ACAP2: variants seen among roughly 807,000 people sequenced by gnomAD.
ACAP2 encodes the protein arf-GAP with coiled-coil, ANK repeat and PH domain-containing protein 2.
In ACAP2, 39 loss-of-function variants were observed where a neutral mutation model predicts 115.8. The ratio of observed to expected loss-of-function variants is 0.34; its 90% confidence interval spans 0.26 to 0.44. The LOEUF is 0.44. Among genes scored for constraint, ACAP2 ranks in the 20% least tolerant of loss-of-function variants. The pLI is 1.00. For synonymous variants in ACAP2, 289 were observed against 315.8 expected, an observed-to-expected ratio of 0.92 and a Z score of 0.90; for missense variants, 662 against 927.6, an observed-to-expected ratio of 0.71 and a Z score of 3.72.
At chr3:195,381,351 G>A (rs76289709) in intron 3 of ACAP2, among the ~76,000 whole-genome samples, 3,879 of 152,142 alleles carry the variant, frequency 0.025, 162 homozygotes, top group African/African-American at 0.087. Flanking sequence ...ATTGTTTTGC[G>A]TGTATCAAGA....
chr3:195,346,388 A>G (rs578217424), intron 4 of ACAP2, among the ~76,000 whole-genome samples: 2 of 152,314 alleles, frequency 1.3e-5, no homozygotes, highest in East Asian at 3.8e-4. Flanking sequence ...CAGAAAGAAG[A>G]CGCAAATTTC....
At chr3:195,348,676 A>C (rs1208646301) in intron 4 of ACAP2, among the ~76,000 whole-genome samples, 2 of 152,220 alleles carry the variant, frequency 1.3e-5, no homozygotes, top group African/African-American at 4.8e-5. Flanking sequence ...TTTAACATTC[A>C]AAAAAATCAA....
chr3:195,407,835 T>C lies in ACAP2; in HGVS notation c.54-15688A>G, dbSNP rs1182802724. On this transcript the variant is annotated intron_variant, in intron 1 of 22. Transcript: ENST00000326793. Reference sequence around the variant, plus strand: ...CAGCAAATATAAAAGAAACAGAAAGTAGAAAAACGACAGAGAAAAGTCAAT... The same window carrying C: ...CAGCAAATATAAAAGAAACAGAAAGCAGAAAAACGACAGAGAAAAGTCAAT... Among the ~76,000 whole-genome samples the C allele has an allele frequency of 5.3e-5, 8 of 152,020 alleles. No individual in the cohort carries two copies. The East Asian group carries it at 9.7e-4, about 18-fold the overall frequency.
intron 1 of ACAP2, among the ~76,000 whole-genome samples, chr3:195,435,721 G>T (rs974758723): frequency 1.3e-5 from 2 of 152,016 alleles, no homozygotes; most frequent in Non-Finnish European, 2.9e-5. Context: ...TATTTTGTAT[G>T]ATTTCAATAC....
chr3:195,301,965 C>G lies in ACAP2; in HGVS notation c.1325+1G>C. On this transcript the variant is annotated splice_donor_variant, in intron 14 of 22. Transcript: ENST00000326793. LOFTEE classifies it high-confidence loss of function. ...TTCTCATCCTGGGCAGGCCTACCCA[C>G]CGGTGAATTCCGGAGCACTCGATAC... 1 of 1,612,216 alleles carries G rather than the reference C, an allele frequency of 6.2e-7. No individual in the cohort carries two copies. The highest frequency in any genetic ancestry group is 8.5e-7 in the Non-Finnish European group (1 of 1,179,480).
Position 195,292,314 on chromosome 3 carries a change from G to A in ACAP2, c.1904C>T (p.Ala635Val), listed in dbSNP as rs773723643. 4 of 1,609,768 alleles carry A rather than the reference G, an allele frequency of 2.5e-6. No homozygotes were observed. The highest frequency in any genetic ancestry group is 1.7e-4 in the Middle Eastern group (1 of 6,050). ...TGTCGCTTTGTTTTCCTCTGAATTG[G>A]CCCAGTTCACGTCTGCACCATGAGC... ...ALAHGADVNW[A>V]NSEENKATPL... The change falls in exon 19 of 23, where the codon GCC becomes GTC. Residue 635 changes from alanine (A) to valine (V), a missense_variant. Transcript: ENST00000326793.
rs563980346 is a variant in ACAP2 at position 195,365,836 on chromosome 3, T to C, written c.285+15173A>G. Among the ~76,000 whole-genome samples, 4 of 145,206 alleles carry C rather than the reference T, an allele frequency of 2.8e-5. No homozygotes were observed. The East Asian group carries it at 7.9e-4, about 29-fold the overall frequency. ...TATTCCTCTCTACTTCATCTGCCTA[T>C]AGTAATTTTTTTTTTTTTTTTTGAG... On this transcript the variant is annotated intron_variant, in intron 4 of 22. Coordinates refer to ENST00000326793, the MANE Select transcript of ACAP2 (RefSeq NM_012287.6).
chr3:195,337,846 T>C (rs1340846713), intron 6 of ACAP2, among the ~76,000 whole-genome samples: 2 of 152,206 alleles, frequency 1.3e-5, no homozygotes, highest in South Asian at 4.1e-4. Flanking sequence ...GGCCCCTACC[T>C]ACCTTACCTC....
At chr3:195,437,607 A>C (rs1174603110) in intron 1 of ACAP2, among the ~76,000 whole-genome samples, 3 of 152,040 alleles carry the variant, frequency 2.0e-5, no homozygotes, top group Non-Finnish European at 2.9e-5. Context: ...CAAGGTCAGG[A>C]GTTCAAGACC....
chr3:195,354,886 A>T (rs1731850707), intron 4 of ACAP2, among the ~76,000 whole-genome samples: 1 of 152,182 alleles, frequency 6.6e-6, no homozygotes, highest in Admixed American at 6.5e-5. Context: ...TTTTGGAGAC[A>T]AGAGTCTCAC....
chr3:195,366,049 C>G (rs1397108671), intron 4 of ACAP2, among the ~76,000 whole-genome samples: 1 of 152,092 alleles, frequency 6.6e-6, no homozygotes, highest in Non-Finnish European at 1.5e-5. Flanking sequence ...ACCACGTTGG[C>G]CAGGCTGGTC....
chr3:195,380,078 T>C (rs962317371), intron 4 of ACAP2, among the ~76,000 whole-genome samples: 4 of 152,142 alleles, frequency 2.6e-5, no homozygotes, highest in African/African-American at 9.7e-5. Context: ...GAAAACAGTT[T>C]GGCAGTTCCT....
At chr3:195,360,147 A>G (rs1732255345) in intron 4 of ACAP2, among the ~76,000 whole-genome samples, 1 of 152,200 alleles carries the variant, frequency 6.6e-6, no homozygotes, top group Non-Finnish European at 1.5e-5. Context: ...CATCTCACCT[A>G]TAAAGACAAA....
chr3:195,424,647 G>A (rs1000644357), intron 1 of ACAP2, among the ~76,000 whole-genome samples: 19 of 151,832 alleles, frequency 1.3e-4, no homozygotes, highest in Admixed American at 3.9e-4. Context: ...GACCAGGTGC[G>A]GTGGTTCACG....
chr3:195,328,109 A>G (rs1306755861), intron 8 of ACAP2, among the ~76,000 whole-genome samples: 1 of 152,074 alleles, frequency 6.6e-6, no homozygotes, highest in East Asian at 1.9e-4. Flanking sequence ...TGGGTTATAC[A>G]TTATTAATTA....
At position 195,336,843 on chromosome 3, in the gene ACAP2, G is replaced by GTA. The variant is rs1730539057; in HGVS notation, c.573+87_573+88dup. The GTA allele has an allele frequency of 3.0e-6, 3 of 1,011,846 alleles. No homozygotes were observed. The South Asian group carries it at 4.2e-5, about 14-fold the overall frequency. 62.7% of individuals were successfully genotyped at this position (1,011,846 alleles called of 1,614,324 possible). On this transcript the variant is annotated intron_variant, in intron 7 of 22. Coordinates refer to ENST00000326793, the MANE Select transcript of ACAP2 (RefSeq NM_012287.6). ...GAAGAGCAATTATAAACCTTATCAT[G>GTA]TATATAGCAGATGCTCTTTCAACAC...
In ACAP2 at chr3:195,384,905, A is replaced by C. The variant is rs115285507; in HGVS notation, c.112-2883T>G. On this transcript the variant is annotated intron_variant, in intron 2 of 22. Coordinates refer to ENST00000326793, the MANE Select transcript of ACAP2 (RefSeq NM_012287.6). ...CAAAAATAATTAAAAGTTTCCATAA[A>C]AACAAAGAGAGACAGGTTAATAGTA... Among the ~76,000 whole-genome samples the C allele has an allele frequency of 1.7e-3, 255 of 152,298 alleles. 1 individual carries two copies. The highest frequency in any genetic ancestry group is 5.7e-3 in the African/African-American group (238 of 41,554).
chr3:195,343,819 C>A (rs925650054), intron 5 of ACAP2, among the ~76,000 whole-genome samples: 1 of 152,052 alleles, frequency 6.6e-6, no homozygotes, highest in Non-Finnish European at 1.5e-5. Flanking sequence ...TTTATAAAAA[C>A]CATAATAAAG....
intron 1 of ACAP2, among the ~76,000 whole-genome samples, chr3:195,428,821 T>C (rs1224113004): frequency 6.6e-6 from 1 of 152,140 alleles, no homozygotes; most frequent in Non-Finnish European, 1.5e-5. Flanking sequence ...ACAGGAACAC[T>C]CAAATATTGT....
Sources: allele counts gnomAD v4.1 joint callset (sites outside exome capture counted in the v4.1 genomes callset), GRCh38; gene constraint gnomAD v4.1.1; transcripts MANE v1.5; gene names NCBI Gene and HGNC (gene_info 2026-07-23, HGNC 2026-07-21).